Variants in LATS1 observed in about 807,000 individuals in gnomAD.
LATS1 encodes serine/threonine-protein kinase LATS1.
Under a neutral mutation model 106.6 loss-of-function variants are expected in LATS1, and 25 were observed. The ratio of observed to expected loss-of-function variants is 0.23; its 90% CI spans 0.17 to 0.33. LATS1 has a LOEUF of 0.33. LATS1 is among the 10% of genes least tolerant of loss of function. LATS1 has a pLI of 1.00. For synonymous variants in LATS1, 465 were observed against 455.6 expected, an observed-to-expected ratio of 1.02 and a Z score of -0.26; for missense variants, 1,040 against 1,382.6, an observed-to-expected ratio of 0.75 and a Z score of 3.93.
chr6:149,671,938 G>A (rs940466932), intron 7 of LATS1, among the ~76,000 whole-genome samples: 1 of 151,402 alleles, frequency 6.6e-6, no homozygotes, highest in East Asian at 1.9e-4. Flanking sequence ...GCCCAGGCTG[G>A]AGTACAGTGG....
At chr6:149,665,217 G>C (rs1185584531) in intron 7 of LATS1, among the ~76,000 whole-genome samples, 1 of 152,064 alleles carries the variant, frequency 6.6e-6, no homozygotes, top group Non-Finnish European at 1.5e-5. Context: ...AAAAATTAGT[G>C]GGGTGTGGTG....
intron 1 of LATS1, among the ~76,000 whole-genome samples, chr6:149,712,223 G>A (rs1784145402): frequency 6.6e-6 from 1 of 151,990 alleles, no homozygotes; most frequent in African/African-American, 2.4e-5. Flanking sequence ...TTTATAGATG[G>A]AGTTTCGCTC....
At position 149,717,984 on chromosome 6, in the gene LATS1, G is replaced by T. The variant is rs755986831; in HGVS notation, c.-276C>A. ...GGAGACGAACGGGGGGGCTGCCGCGGGCCAGCGCGGCCCGTCCCAGGGGTC... is the reference window on the plus strand; with the variant it reads ...GGAGACGAACGGGGGGGCTGCCGCGTGCCAGCGCGGCCCGTCCCAGGGGTC... On this transcript the variant is annotated 5_prime_UTR_variant, in exon 1 of 8. Transcript: ENST00000543571. 99 of 365,722 alleles carry T rather than the reference G, an allele frequency of 2.7e-4. No individual in the cohort carries two copies. The highest frequency in any genetic ancestry group is 3.6e-4 in the Middle Eastern group (1 of 2,754). The allele number at this position is 365,722 out of a possible 1,614,324, so 22.7% of individuals were successfully genotyped here. A position where few individuals can be genotyped will look rare whatever the true frequency, so the allele number is the denominator to read the frequency against.
At chr6:149,681,133 A>T (rs1782013358) in intron 4 of LATS1, among the ~76,000 whole-genome samples, 1 of 152,230 alleles carries the variant, frequency 6.6e-6, no homozygotes, top group South Asian at 2.1e-4. Context: ...TTTACAAGAT[A>T]TCCTTTGGAT....
chr6:149,704,231 G>A (rs535866635), intron 1 of LATS1, among the ~76,000 whole-genome samples: 10 of 152,194 alleles, frequency 6.6e-5, no homozygotes, highest in African/African-American at 2.4e-4. Flanking sequence ...TCGGACTCCC[G>A]ACCTCAGGTG....
rs142352110 is a variant in LATS1, at chr6:149,684,293, G to A, written c.796C>T (p.Pro266Ser). Residue 266 changes from proline (P) to serine (S), a missense_variant, in exon 4 of 8, where the codon CCT becomes TCT. Transcript: ENST00000543571. The stretch of plus-strand genomic sequence containing the variant: ...GTTTGAGAGTTTGGTTCCCATGAAG[G>A]GGGAGGTGGAGTTGTACCTCTTGGA... ...PPPRGTTPPPPSWEPNSQTKR... is the reference protein window; with the variant it reads ...PPPRGTTPPPSSWEPNSQTKR... 1.5e-5 allele frequency: 24 copies of A among 1,613,974 alleles called. No individual in the cohort carries two copies. Among genetic ancestry groups the A allele is most frequent in the South Asian group, 2.2e-5 (2 of 91,084 alleles).
rs1435960758 is a variant in LATS1 at position 149,658,689 on chromosome 6, A to G, written c.*3040T>C. The G allele has an allele frequency of 6.6e-6, 1 of 152,234 alleles. No homozygotes were observed. Among genetic ancestry groups the G allele is most frequent in the Non-Finnish European group, 1.5e-5 (1 of 68,038 alleles). 9.4% of individuals were successfully genotyped at this position (152,234 alleles called of 1,614,324 possible). ...TTTGCACTTTGCAACAGCAGAAGGT[A>G]ATAACTTTTTAAAAAAGTCAATCTC... is the stretch of plus-strand genomic sequence containing the variant. On this transcript the variant is annotated 3_prime_UTR_variant, in exon 8 of 8. Transcript: ENST00000543571.
chr6:149,711,639 G>T (rs578209582), intron 1 of LATS1, among the ~76,000 whole-genome samples: 2 of 151,980 alleles, frequency 1.3e-5, no homozygotes, highest in Non-Finnish European at 2.9e-5. Context: ...TTGGGTCCCC[G>T]ACTTCTATGA....
At chr6:149,695,275 A>G (rs141884137) in intron 2 of LATS1, 54 bp from the exon 3 acceptor site, 3 of 1,211,446 alleles carry the variant, frequency 2.5e-6, no homozygotes, top group East Asian at 2.4e-5. Flanking sequence ...TCTTACAATA[A>G]TACAAGGGAA....
intron 3 of LATS1, 118 bp from the exon 4 acceptor site, chr6:149,684,710 A>G: frequency 1.4e-6 from 1 of 694,434 alleles, no homozygotes; most frequent in Non-Finnish European, 2.3e-6. Context: ...TTCAAGAATT[A>G]TAAAAATATA....
At chr6:149,687,645 CT>C (rs1259373132) in intron 3 of LATS1, among the ~76,000 whole-genome samples, 2 of 151,900 alleles carry the variant, frequency 1.3e-5, no homozygotes, top group Non-Finnish European at 2.9e-5. Flanking sequence ...GTTGTCCAGG[CT>C]GGTCTCAAAC....
chr6:149,701,761 G>A lies in LATS1; in HGVS notation c.348+18C>T. ...TAAGGTAAGAAGAATCCTTTCTTTT[G>A]TCTTTAAACATTCTTACCTCATCAA... On this transcript the variant is annotated intron_variant, in intron 2 of 7. Coordinates refer to ENST00000543571, the MANE Select transcript of LATS1 (RefSeq NM_004690.4). 4.5e-6 allele frequency: 7 copies of A among 1,556,210 alleles called. No individual in the cohort carries two copies. Among genetic ancestry groups the A allele is most frequent in the South Asian group, 3.5e-5 (3 of 85,274 alleles).
rs187987289 is a variant in LATS1, at chr6:149,669,328, T to C, written c.2883+6932A>G. On this transcript the variant is annotated intron_variant, in intron 7 of 7. Coordinates refer to ENST00000543571, the MANE Select transcript of LATS1 (RefSeq NM_004690.4). ...TTTTGTACTTTTAGTAGAGACGGGG[T>C]TTCACCGTGTTAGCCAGGATGGTCT... Among the ~76,000 whole-genome samples the C allele has an allele frequency of 1.3e-3, 190 of 151,758 alleles. 2 individuals are homozygous for C. The highest frequency in any genetic ancestry group is 4.3e-3 in the African/African-American group (177 of 41,220).
intron 1 of LATS1, among the ~76,000 whole-genome samples, chr6:149,710,938 G>T (rs1250303804): frequency 1.3e-5 from 2 of 152,194 alleles, no homozygotes; most frequent in East Asian, 3.9e-4. Flanking sequence ...AGCCTTGAAG[G>T]ATTGGAAAAG....
At chr6:149,708,667 A>G (rs553013282) in intron 1 of LATS1, among the ~76,000 whole-genome samples, 1 of 152,262 alleles carries the variant, frequency 6.6e-6, no homozygotes, top group East Asian at 1.9e-4. Context: ...TCCTGCTTTA[A>G]TGACAATGTA....
chr6:149,674,867 G>A (rs1781628755), intron 7 of LATS1, among the ~76,000 whole-genome samples: 1 of 152,060 alleles, frequency 6.6e-6, no homozygotes, highest in Non-Finnish European at 1.5e-5. Context: ...TCACGCCACT[G>A]CATTACACCC....
chr6:149,678,363 A>C (rs757045674), intron 5 of LATS1, among the ~76,000 whole-genome samples: 45 of 151,578 alleles, frequency 3.0e-4, no homozygotes, highest in Admixed American at 1.5e-3. Flanking sequence ...CAAACAAACA[A>C]ACAAAAAACA....
rs78751748 is a variant in LATS1, at chr6:149,699,488, AAAAT to A, written c.348+2287_348+2290del. On this transcript the variant is annotated intron_variant, in intron 2 of 7. Transcript: ENST00000543571. ...TTACTTTTTAATAAAAAAAAAAAAT[AAAAT>A]AAATAAATAACACCATACTTCATTA... is the stretch of plus-strand genomic sequence containing the variant. Among the ~76,000 whole-genome samples, 873 of 152,010 alleles carry A rather than the reference AAAAT, an allele frequency of 5.7e-3. 4 individuals carry two copies. The highest frequency in any genetic ancestry group is 8.4e-3 in the Non-Finnish European group (571 of 67,988).
chr6:149,691,049 A>G (rs1385260931), intron 3 of LATS1, among the ~76,000 whole-genome samples: 2 of 151,992 alleles, frequency 1.3e-5, no homozygotes, highest in Admixed American at 1.3e-4. Flanking sequence ...ACCCACTCCA[A>G]TCTGAATTAT....
Sources: gnomAD v4.1 joint callset for allele counts (sites outside exome capture counted in the v4.1 genomes callset) on GRCh38, gnomAD v4.1.1 for gene constraint, MANE v1.5 for transcripts, NCBI Gene and HGNC (gene_info 2026-07-23, HGNC 2026-07-21) for gene names.